The following BIRC6 variants were observed in gnomAD, a reference collection of about 807,000 sequenced individuals.
The protein encoded by BIRC6 is dual E2 ubiquitin-conjugating enzyme/E3 ubiquitin-protein ligase BIRC6.
In BIRC6, 98 loss-of-function variants were observed where a neutral mutation model predicts 503.3. That is an observed-to-expected ratio of 0.19 (90% CI 0.17 to 0.23). The LOEUF is 0.23. Among genes scored for constraint, BIRC6 ranks in the 10% least tolerant of loss-of-function variants. BIRC6 has a pLI of 1.00. For missense variants in BIRC6, 5,360 were observed against 5,806.0 expected, an observed-to-expected ratio of 0.92 and a Z score of 2.50; for synonymous variants, 2,240 against 2,078.7, an observed-to-expected ratio of 1.08 and a Z score of -2.11.
At chr2:32,579,143 T>C (rs1363210676) in intron 66 of BIRC6, among the ~76,000 whole-genome samples, 4 of 150,864 alleles carry the variant, frequency 2.7e-5, no homozygotes. Flanking sequence ...TGGTTGCATA[T>C]AATGATTTTC....
chr2:32,388,504 G>C (rs560987230), intron 3 of BIRC6, among the ~76,000 whole-genome samples: 1 of 152,228 alleles, frequency 6.6e-6, no homozygotes, highest in African/African-American at 2.4e-5. Flanking sequence ...ACTGCACCTG[G>C]CCTTTACTGC....
chr2:32,494,471 C>T (rs927209710), intron 45 of BIRC6, among the ~76,000 whole-genome samples: 6 of 151,754 alleles, frequency 4.0e-5, no homozygotes, highest in African/African-American at 1.5e-4. Flanking sequence ...CGTGATCCGC[C>T]CGCCTCAGCC....
At chr2:32,406,825 A>G (rs544811865) in intron 9 of BIRC6, among the ~76,000 whole-genome samples, 1 of 152,350 alleles carries the variant, frequency 6.6e-6, no homozygotes, top group Non-Finnish European at 1.5e-5. Context: ...ATGTCAGGTA[A>G]TTAAATGTTT....
chr2:32,421,997 T>C (rs931822599), intron 10 of BIRC6, among the ~76,000 whole-genome samples: 1 of 152,224 alleles, frequency 6.6e-6, no homozygotes, highest in East Asian at 1.9e-4. Flanking sequence ...CTTTTGGCTC[T>C]TTTGTTAGAC....
intron 54 of BIRC6, 68 bp from the exon 55 acceptor site, chr2:32,514,920 CAG>C (rs900986787): frequency 3.3e-4 from 406 of 1,244,324 alleles, no homozygotes; most frequent in Non-Finnish European, 3.9e-4. Context: ...TGAACTATAA[CAG>C]AAATATTTGA....
intron 1 of BIRC6, among the ~76,000 whole-genome samples, chr2:32,369,869 T>C (rs1177796325): frequency 7.1e-6 from 1 of 141,840 alleles, no homozygotes; most frequent in Non-Finnish European, 1.5e-5. Flanking sequence ...GGTGAGAAGA[T>C]TGCTTGAGAC....
At chr2:32,517,603 C>T (rs1011057499) in intron 55 of BIRC6, among the ~76,000 whole-genome samples, 1 of 152,076 alleles carries the variant, frequency 6.6e-6, no homozygotes, top group African/African-American at 2.4e-5. Flanking sequence ...GGGGCAGGAT[C>T]TCTCTCTGTT....
At chr2:32,453,589 A>C (rs1574320849) in intron 22 of BIRC6, among the ~76,000 whole-genome samples, 1 of 152,174 alleles carries the variant, frequency 6.6e-6, no homozygotes, top group Non-Finnish European at 1.5e-5. Context: ...GTGAGGAGCT[A>C]CTAAGTTGCT....
chr2:32,588,170 A>G (rs1187468867), intron 66 of BIRC6, among the ~76,000 whole-genome samples: 1 of 152,256 alleles, frequency 6.6e-6, no homozygotes, highest in African/African-American at 2.4e-5. Flanking sequence ...CCTGGCCAAC[A>G]TGGTGAAACC....
rs191580072 is a variant in BIRC6, at chr2:32,530,644, A to G, written c.12095-711A>G. The stretch of plus-strand genomic sequence containing the variant: ...TCCAATTTTTACTCCTATAAATGCT[A>G]TATAAGTAGTTTTCATAGTGTGAGT... On this transcript the variant is annotated intron_variant, in intron 60 of 73. Coordinates refer to ENST00000421745, the MANE Select transcript of BIRC6 (RefSeq NM_016252.4). Among the ~76,000 whole-genome samples, 25 of 152,178 alleles carry G rather than the reference A, an allele frequency of 1.6e-4. No individual in the cohort carries two copies. The East Asian group carries it at 4.2e-3, about 26-fold the overall frequency.
rs775744828 is a variant in BIRC6 at position 32,599,873 on chromosome 2, C to T, written c.13965C>T (p.Phe4655=). The change falls in exon 70 of 74, where the codon TTC becomes TTT. Residue 4655 remains phenylalanine, a synonymous_variant. Coordinates refer to ENST00000421745, the MANE Select transcript of BIRC6 (RefSeq NM_016252.4). ...LETTGGHSVR[F]NPNLYNDGKV... ...CAACTGGTGGTCATAGCGTGCGATT[C>T]AATCCAAACCTTTATAATGATGGCA... 19 of 1,613,686 alleles carry T rather than the reference C, an allele frequency of 1.2e-5. No individual in the cohort carries two copies. The highest frequency in any genetic ancestry group is 1.5e-5 in the Non-Finnish European group (18 of 1,179,814).
Position 32,478,663 on chromosome 2 carries a change from G to A in BIRC6, c.7097G>A (p.Arg2366Lys). ...KVLARIANAT[R>K]PTIHLCEIVN... ...CTTGCACGCATTGCAAATGCCACGA[G>A]GCCAACTATTCATCTGTGTGAGATT... Residue 2366 changes from arginine to lysine, a missense_variant, in exon 36 of 74, where the codon AGG becomes AAG. Transcript: ENST00000421745. 6.2e-7 allele frequency: 1 copy of A among 1,612,626 alleles called. No homozygotes were observed. Among genetic ancestry groups the A allele is most frequent in the Non-Finnish European group, 8.5e-7 (1 of 1,179,498 alleles).
chr2:32,583,402 G>T (rs2060816921), intron 66 of BIRC6, among the ~76,000 whole-genome samples: 1 of 152,174 alleles, frequency 6.6e-6, no homozygotes, highest in Non-Finnish European at 1.5e-5. Context: ...ACTGCATGGT[G>T]TTAAGTGTAA....
At chr2:32,444,026 C>T (rs2045701571) in intron 20 of BIRC6, among the ~76,000 whole-genome samples, 1 of 145,440 alleles carries the variant, frequency 6.9e-6, no homozygotes, top group Admixed American at 6.7e-5. Flanking sequence ...TAAAAGGGAC[C>T]AGTGGTTTTT....
intron 26 of BIRC6, among the ~76,000 whole-genome samples, chr2:32,467,177 T>C (rs989895542): frequency 6.6e-6 from 1 of 151,458 alleles, no homozygotes; most frequent in Non-Finnish European, 1.5e-5. Context: ...GTATAGTGGC[T>C]ATTCACAGGT....
intron 59 of BIRC6, 28 bp from the exon 60 acceptor site, chr2:32,529,623 C>T: frequency 1.3e-6 from 2 of 1,486,146 alleles, no homozygotes; most frequent in Non-Finnish European, 1.8e-6. Context: ...TCTCGGTTTC[C>T]AGATTTAACT....
At position 32,530,036 on chromosome 2, in the gene BIRC6, C is replaced by T. The variant is rs74421279; in HGVS notation, c.12094+212C>T. On this transcript the variant is annotated intron_variant, in intron 60 of 73. Transcript: ENST00000421745. ...CTTATAACATCATTTGTTTTATGAGCGCATGTACTTTAATTTCTGATATTT... is the reference window on the plus strand; with the variant it reads ...CTTATAACATCATTTGTTTTATGAGTGCATGTACTTTAATTTCTGATATTT... Among the ~76,000 whole-genome samples, 979 of 152,026 alleles carry T rather than the reference C, an allele frequency of 6.4e-3. 11 individuals are homozygous for T. The highest frequency in any genetic ancestry group is 0.014 in the Admixed American group (213 of 15,260).
intron 55 of BIRC6, among the ~76,000 whole-genome samples, chr2:32,516,779 A>C (rs567326732): frequency 6.6e-6 from 1 of 152,158 alleles, no homozygotes; most frequent in African/African-American, 2.4e-5. Context: ...GCTTTTGGTT[A>C]CCTCACGTGA....
intron 66 of BIRC6, among the ~76,000 whole-genome samples, chr2:32,588,963 A>G (rs2061235446): frequency 6.6e-6 from 1 of 152,200 alleles, no homozygotes; most frequent in South Asian, 2.1e-4. Context: ...AGATGAAATT[A>G]AAATATAGCC....
Sources: gnomAD v4.1 joint callset for allele counts (sites outside exome capture counted in the v4.1 genomes callset) on GRCh38, gnomAD v4.1.1 for gene constraint, MANE v1.5 for transcripts, NCBI Gene and HGNC (gene_info 2026-07-23, HGNC 2026-07-21) for gene names.